Variants in SLC15A5 observed in about 807,000 individuals in gnomAD.
SLC15A5 encodes Peptide/histidine transporter ENSP00000340402.
SLC15A5 carries 58 observed loss-of-function variants against 56.1 expected under a neutral mutation model. The ratio of observed to expected loss-of-function variants is 1.03; its 90% CI spans 0.84 to 1.29. The LOEUF is 1.29. Among genes scored for constraint, SLC15A5 ranks in the 50% most tolerant of loss-of-function variants. The probability of loss-of-function intolerance (pLI) is 0.00; values close to 1 mark genes in which losing one functional copy is unlikely to be tolerated. For synonymous variants in SLC15A5, 264 were observed against 250.5 expected (o/e 1.05, Z -0.51); for missense variants, 681 against 672.1 (o/e 1.01, Z -0.15).
chr12:16,226,129 A>T (rs1297576793), intron 5 of SLC15A5, among the ~76,000 whole-genome samples: 1 of 152,206 alleles, frequency 6.6e-6, no homozygotes, highest in Non-Finnish European at 1.5e-5. Flanking sequence ...TATTATGTAA[A>T]ACGGCTTTGT....
At chr12:16,206,632 C>A (rs1278643090) in intron 7 of SLC15A5, among the ~76,000 whole-genome samples, 1 of 152,136 alleles carries the variant, frequency 6.6e-6, no homozygotes, top group Non-Finnish European at 1.5e-5. Flanking sequence ...GGAAAGGGGA[C>A]AGAATAAATA....
chr12:16,256,693 A>G (rs946703399), intron 3 of SLC15A5, among the ~76,000 whole-genome samples: 3 of 151,880 alleles, frequency 2.0e-5, no homozygotes, highest in African/African-American at 7.3e-5. Context: ...CCCCGTTTCT[A>G]CTAAAAATAC....
At chr12:16,195,228 TC>T (rs1863882337) in intron 7 of SLC15A5, among the ~76,000 whole-genome samples, 2 of 152,080 alleles carry the variant, frequency 1.3e-5, no homozygotes, top group African/African-American at 4.8e-5. Flanking sequence ...TCTGTCTCTG[TC>T]CCTGCCTCTG....
At chr12:16,221,786 A>T (rs1375268479) in intron 6 of SLC15A5, among the ~76,000 whole-genome samples, 1 of 152,146 alleles carries the variant, frequency 6.6e-6, no homozygotes, top group Non-Finnish European at 1.5e-5. Flanking sequence ...GGTGTTGTAC[A>T]CCAGGAGAAC....
At chr12:16,233,241 A>G (rs1240894150) in intron 5 of SLC15A5, among the ~76,000 whole-genome samples, 1 of 152,222 alleles carries the variant, frequency 6.6e-6, no homozygotes, top group African/African-American at 2.4e-5. Flanking sequence ...CATTACCAGC[A>G]AAAGTTTAGA....
intron 1 of SLC15A5, among the ~76,000 whole-genome samples, chr12:16,276,640 T>G (rs1299815032): frequency 6.6e-6 from 1 of 152,066 alleles, no homozygotes; most frequent in Non-Finnish European, 1.5e-5. Context: ...GAAGAATAAC[T>G]TGAACTTTTC....
At chr12:16,201,225 C>A (rs2136239928) in intron 7 of SLC15A5, among the ~76,000 whole-genome samples, 1 of 152,174 alleles carries the variant, frequency 6.6e-6, no homozygotes, top group South Asian at 2.1e-4. Flanking sequence ...ACACTTTTCA[C>A]AGAAATAGAA....
At chr12:16,239,635 A>T (rs1403899576) in intron 5 of SLC15A5, 46 bp downstream of exon 5, 5 of 1,506,742 alleles carry the variant, frequency 3.3e-6, no homozygotes, top group Non-Finnish European at 4.4e-6. Context: ...ATGTTGTTTT[A>T]AAAAAGTTTC....
chr12:16,212,882 G>A (rs1404928722), intron 7 of SLC15A5, among the ~76,000 whole-genome samples: 3 of 152,084 alleles, frequency 2.0e-5, no homozygotes, highest in Admixed American at 6.6e-5. Context: ...TAAAAATAAA[G>A]TGCTGCATCT....
rs117014231 is a variant in SLC15A5 at position 16,215,497 on chromosome 12, G to C, written c.1483+1396C>G. Among the ~76,000 whole-genome samples the C allele has an allele frequency of 1.4e-3, 220 of 152,296 alleles. 6 individuals are homozygous for C. The East Asian group carries it at 0.027, about 19-fold the overall frequency. ...GAAAATGTTTCAGGTGTGAATATAG[G>C]TAAGACTTCTCAAGGTTATCTTACA... On this transcript the variant is annotated intron_variant, in intron 7 of 8. Transcript: ENST00000344941.
intron 2 of SLC15A5, among the ~76,000 whole-genome samples, chr12:16,260,187 G>C (rs56094748): frequency 2.6e-5 from 4 of 152,156 alleles, no homozygotes; most frequent in African/African-American, 9.7e-5. Flanking sequence ...CTTTGTGTAA[G>C]GGGAGCAGGA....
intron 6 of SLC15A5, 32 bp from the exon 7 acceptor site, chr12:16,217,056 C>A: frequency 6.6e-7 from 1 of 1,512,816 alleles, no homozygotes; most frequent in Non-Finnish European, 8.8e-7. Flanking sequence ...GAATTTAGAA[C>A]TTTCTCCTGA....
chr12:16,247,679 C>G (rs3915247), intron 3 of SLC15A5, among the ~76,000 whole-genome samples: 1 of 151,590 alleles, frequency 6.6e-6, no homozygotes, highest in Non-Finnish European at 1.5e-5. Context: ...TTAGCCAGGA[C>G]GGGTTCAGAA....
At chr12:16,208,125 G>C (rs1178898204) in intron 7 of SLC15A5, among the ~76,000 whole-genome samples, 1 of 152,108 alleles carries the variant, frequency 6.6e-6, no homozygotes, top group African/African-American at 2.4e-5. Context: ...AAGGCTCCAG[G>C]ATCTTTCCAG....
chr12:16,266,896 A>T (rs1394462438), intron 2 of SLC15A5, among the ~76,000 whole-genome samples: 2 of 152,220 alleles, frequency 1.3e-5, no homozygotes, highest in African/African-American at 2.4e-5. Context: ...GAGTATATAT[A>T]AGTGGTAATT....
At chr12:16,217,175 T>C (rs1481243919) in intron 6 of SLC15A5, among the ~76,000 whole-genome samples, 151 bp from the exon 7 acceptor site, 1 of 152,212 alleles carries the variant, frequency 6.6e-6, no homozygotes. Context: ...TATAGTAAGA[T>C]ATACTGTGTT....
intron 7 of SLC15A5, among the ~76,000 whole-genome samples, chr12:16,201,777 A>C (rs1011967342): frequency 6.6e-6 from 1 of 152,144 alleles, no homozygotes; most frequent in East Asian, 1.9e-4. Flanking sequence ...ACTGTAAGTC[A>C]ATTAAACCTC....
At chr12:16,199,292 T>G (rs963643259) in intron 7 of SLC15A5, among the ~76,000 whole-genome samples, 7 of 127,908 alleles carry the variant, frequency 5.5e-5, no homozygotes, top group African/African-American at 2.2e-4. Context: ...CAGTCTCATG[T>G]GTAGACTGTC....
chr12:16,258,653 CTTAGTACACTTACACTATCA>C (rs1468092595), intron 2 of SLC15A5, among the ~76,000 whole-genome samples: 1 of 151,606 alleles, frequency 6.6e-6, no homozygotes, highest in Non-Finnish European at 1.5e-5. Context: ...TTGTGCAAGC[CTTAGTACACTTACACTATCA>C]TTAAAATTTT....
Sources: allele counts gnomAD v4.1 joint callset (sites outside exome capture counted in the v4.1 genomes callset), GRCh38; gene constraint gnomAD v4.1.1; transcripts MANE v1.5; gene names NCBI Gene and HGNC (gene_info 2026-07-23, HGNC 2026-07-21).